The following ASTN2 variants were observed in gnomAD, a reference collection of about 807,000 sequenced individuals.
ASTN2 encodes the protein astrotactin-2.
A neutral mutation model predicts 139.8 loss-of-function variants in ASTN2; 54 were observed. The ratio of observed to expected loss-of-function variants is 0.39; its 90% CI spans 0.31 to 0.48. The LOEUF is 0.48. Ranked by LOEUF, ASTN2 falls within the 20% of genes least tolerant of loss-of-function variation. The probability of loss-of-function intolerance (pLI) is 0.95; values close to 1 mark genes in which losing one functional copy is unlikely to be tolerated. For missense variants in ASTN2, 1,565 were observed against 1,725.1 expected (o/e 0.91, Z 1.64); for synonymous variants, 756 against 719.5 (o/e 1.05, Z -0.81).
rs369208563 is a variant in ASTN2 at position 116,524,488 on chromosome 9, G to A, written c.3356-36988C>T. Among the ~76,000 whole-genome samples the A allele has an allele frequency of 4.6e-5, 7 of 152,270 alleles. No homozygotes were observed. The East Asian group carries it at 1.2e-3, about 25-fold the overall frequency. ...ACTGCTTTCTGAGAGGCAGCCTGGT[G>A]TAATGGAAAGAGCTCTATATTTGGA... On this transcript the variant is annotated intron_variant, in intron 19 of 22. Coordinates refer to ENST00000313400, the MANE Select transcript of ASTN2 (RefSeq NM_001365068.1).
chr9:117,153,567 G>T (rs952197935), intron 3 of ASTN2, among the ~76,000 whole-genome samples: 1 of 151,996 alleles, frequency 6.6e-6, no homozygotes, highest in African/African-American at 2.4e-5. Context: ...TTTTTCAAGG[G>T]TCATACACAA....
At chr9:116,803,635 C>T (rs1830956718) in intron 13 of ASTN2, among the ~76,000 whole-genome samples, 1 of 149,900 alleles carries the variant, frequency 6.7e-6, no homozygotes, top group Non-Finnish European at 1.5e-5. Context: ...TGCTATTCTC[C>T]TGCCTCAGCC....
intron 7 of ASTN2, among the ~76,000 whole-genome samples, chr9:116,986,984 C>T (rs13302686): frequency 0.41 from 62,231 of 152,088 alleles, 15,059 homozygotes; most frequent in South Asian, 0.56. Context: ...GGAATCCTGC[C>T]CTGGTTCTGC....
intron 7 of ASTN2, among the ~76,000 whole-genome samples, chr9:116,982,975 T>A (rs1426443654): frequency 1.3e-5 from 2 of 152,154 alleles, no homozygotes; most frequent in Non-Finnish European, 2.9e-5. Context: ...GGCTTGCCCA[T>A]GAGAGTGCAA....
At chr9:117,052,433 TTAA>T (rs1159105617) in intron 5 of ASTN2, among the ~76,000 whole-genome samples, 2 of 125,228 alleles carry the variant, frequency 1.6e-5, no homozygotes, top group African/African-American at 3.0e-5. Flanking sequence ...AGACTCCATC[TTAA>T]AAAAAAAAAA....
chr9:116,632,851 T>C (rs1452176461), intron 17 of ASTN2, among the ~76,000 whole-genome samples: 1 of 152,240 alleles, frequency 6.6e-6, no homozygotes, highest in Non-Finnish European at 1.5e-5. Flanking sequence ...ATGGAATTGT[T>C]ATCTATATGT....
intron 22 of ASTN2, chr9:116,437,532 C>A (rs748455526): frequency 2.1e-6 from 1 of 471,244 alleles, no homozygotes. Context: ...CCTCTGTGGG[C>A]GGCCCGGCCG....
intron 3 of ASTN2, among the ~76,000 whole-genome samples, chr9:117,171,231 A>G (rs1006720071): frequency 6.6e-6 from 1 of 152,194 alleles, no homozygotes; most frequent in Admixed American, 6.5e-5. Flanking sequence ...TTGCCCAACT[A>G]ACTGAAACAT....
At chr9:116,946,936 C>CAAAAAAAAAAAAAACAAAACA (rs1835412688) in intron 10 of ASTN2, among the ~76,000 whole-genome samples, 1 of 127,942 alleles carries the variant, frequency 7.8e-6, no homozygotes, top group African/African-American at 3.1e-5. Flanking sequence ...ACATTTTTGT[C>CAAAAAAAAAAAAAACAAAACA]AAAAAAAAAA....
chr9:117,229,326 G>A (rs141128509), intron 2 of ASTN2, among the ~76,000 whole-genome samples: 245 of 152,268 alleles, frequency 1.6e-3, no homozygotes, highest in African/African-American at 5.1e-3. Context: ...ACACAGGACT[G>A]CCCCAAGGTG....
intron 2 of ASTN2, among the ~76,000 whole-genome samples, chr9:117,274,940 A>G (rs1217788725): frequency 6.6e-6 from 1 of 152,210 alleles, no homozygotes; most frequent in Non-Finnish European, 1.5e-5. Context: ...TCAATATGCT[A>G]ATGAAGACAG....
At position 116,930,576 on chromosome 9, in the gene ASTN2, C is replaced by T. The variant is rs16934067; in HGVS notation, c.1889+44632G>A. On this transcript the variant is annotated intron_variant, in intron 10 of 22. Transcript: ENST00000313400. Reference sequence around the variant, plus strand: ...GCTGGTGTGGATTGAGAGAGGTGTCCGATTTCATTCAGCAAGACTCGGGGT... The same window carrying T: ...GCTGGTGTGGATTGAGAGAGGTGTCTGATTTCATTCAGCAAGACTCGGGGT... 8.6e-3 allele frequency among the ~76,000 whole-genome samples: 1,297 copies of T among 151,632 alleles called. 25 individuals are homozygous for T. Among genetic ancestry groups the T allele is most frequent in the African/African-American group, 0.029 (1,218 of 41,308 alleles).
At chr9:116,465,939 G>A (rs539895960) in intron 20 of ASTN2, among the ~76,000 whole-genome samples, 6 of 150,446 alleles carry the variant, frequency 4.0e-5, no homozygotes, top group African/African-American at 1.2e-4. Context: ...ATAATGACAC[G>A]TGGTGGCTTA....
At chr9:116,987,230 C>T (rs1836713734) in intron 7 of ASTN2, among the ~76,000 whole-genome samples, 1 of 152,254 alleles carries the variant, frequency 6.6e-6, no homozygotes, top group African/African-American at 2.4e-5. Flanking sequence ...TGGAGACAGA[C>T]TTCCCCCTTG....
chr9:117,037,248 G>A (rs1229995240), intron 6 of ASTN2, among the ~76,000 whole-genome samples: 2 of 151,940 alleles, frequency 1.3e-5, no homozygotes, highest in South Asian at 2.1e-4. Context: ...TGGGCACACC[G>A]AGAAAGGGCA....
At chr9:116,962,400 A>T (rs1835898890) in intron 10 of ASTN2, among the ~76,000 whole-genome samples, 1 of 152,222 alleles carries the variant, frequency 6.6e-6, no homozygotes. Context: ...GCTTCAAAAG[A>T]TGCCCCATAG....
At chr9:116,803,334 G>C (rs1554748591) in intron 13 of ASTN2, among the ~76,000 whole-genome samples, 1 of 142,914 alleles carries the variant, frequency 7.0e-6, no homozygotes, top group African/African-American at 2.6e-5. Flanking sequence ...TTTTTAAATA[G>C]AGACAAGTGT....
chr9:117,039,805 T>A lies in ASTN2; in HGVS notation c.1423+14A>T. ...CTGAGTGGGTGTGGAGCATCTGCAA[T>A]GCTCGGCTCTTACCATCTGCTATGA... On this transcript the variant is annotated intron_variant, in intron 6 of 22. Coordinates refer to ENST00000313400, the MANE Select transcript of ASTN2 (RefSeq NM_001365068.1). 6.2e-7 allele frequency: 1 copy of A among 1,611,060 alleles called. No homozygotes were observed. The highest frequency in any genetic ancestry group is 8.5e-7 in the Non-Finnish European group (1 of 1,178,654).
At chr9:116,618,600 GCCAACTTGCATGA>G in intron 18 of ASTN2, 128 bp from the exon 19 acceptor site, 1 of 1,133,482 alleles carries the variant, frequency 8.8e-7, no homozygotes, top group Non-Finnish European at 1.2e-6. Context: ...ACCCATGATC[GCCAACTTGCATGA>G]CCGTAGGCAA....
Sources: allele counts gnomAD v4.1 joint callset (sites outside exome capture counted in the v4.1 genomes callset), GRCh38; gene constraint gnomAD v4.1.1; transcripts MANE v1.5; gene names NCBI Gene and HGNC (gene_info 2026-07-23, HGNC 2026-07-21).